Variants in SMCO2 observed in about 807,000 individuals in gnomAD.
SMCO2 encodes the protein single-pass membrane and coiled-coil domain-containing protein 2.
A neutral mutation model predicts 29.5 loss-of-function variants in SMCO2; 25 were observed. The observed-to-expected ratio is 0.85, with a 90% CI of 0.62 to 1.18. The LOEUF (loss-of-function observed/expected upper bound fraction) is 1.18, where lower values mean the gene tolerates loss of function less well. SMCO2 is among the 50% of genes most tolerant of loss of function. The probability of loss-of-function intolerance (pLI) is 0.00; values close to 1 mark genes in which losing one functional copy is unlikely to be tolerated. For synonymous variants in SMCO2, 117 were observed against 123.3 expected (o/e 0.95, Z 0.34); for missense variants, 348 against 344.5 (o/e 1.01, Z -0.08).
At chr12:27,493,589 C>A (rs1299025570) in intron 5 of SMCO2, among the ~76,000 whole-genome samples, 1 of 152,106 alleles carries the variant, frequency 6.6e-6, no homozygotes, top group Non-Finnish European at 1.5e-5. Flanking sequence ...TTTCTTGAAT[C>A]CTAGTATACT....
rs377737092 is a variant in SMCO2, at chr12:27,491,947, C to T, written c.451-2353C>T. ...CTGGTCTTGAACTCCCGACCTCAAGCGATTCTCCCACCTCAGCCTCCCAAG... is the reference window on the plus strand; with the variant it reads ...CTGGTCTTGAACTCCCGACCTCAAGTGATTCTCCCACCTCAGCCTCCCAAG... On this transcript the variant is annotated intron_variant, in intron 5 of 7. Coordinates refer to ENST00000298876, the Ensembl canonical transcript of SMCO2. Among the ~76,000 whole-genome samples the T allele has an allele frequency of 7.3e-4, 111 of 152,070 alleles. 2 individuals are homozygous for T. In the South Asian group the frequency reaches 0.022, roughly 30 times the overall value.
the SMCO2 span, among the ~76,000 whole-genome samples, chr12:27,439,319 G>A: frequency 0.037 from 5,563 of 152,230 alleles, 268 homozygotes; most frequent in African/African-American, 0.11. Context: ...TTCCCCATTT[G>A]GGACAGGCAG....
chr12:27,472,208 T>G (rs1241644474), intron 2 of SMCO2, among the ~76,000 whole-genome samples: 3 of 151,906 alleles, frequency 2.0e-5, no homozygotes, highest in South Asian at 2.1e-4. Context: ...CAGAATGGAG[T>G]GTATAAATAT....
chr12:27,496,207 A>T (rs935456205), intron 7 of SMCO2, among the ~76,000 whole-genome samples: 1 of 150,292 alleles, frequency 6.7e-6, no homozygotes, highest in African/African-American at 2.5e-5. Context: ...TTATATTTTT[A>T]GTTAGTCTGT....
At chr12:27,457,876 G>A in the SMCO2 span, among the ~76,000 whole-genome samples, 1 of 152,304 alleles carries the variant, frequency 6.6e-6, no homozygotes. Context: ...GAGGTAGGAT[G>A]GTTGATGTTT....
chr12:27,447,546 C>A, the SMCO2 span, among the ~76,000 whole-genome samples: 6 of 151,898 alleles, frequency 4.0e-5, no homozygotes, highest in African/African-American at 9.7e-5. Flanking sequence ...TCGCTTCAGC[C>A]CAGGAGCCTG....
chr12:27,473,195 A>G (rs1379873783), intron 3 of SMCO2: 3 of 299,620 alleles, frequency 1.0e-5, no homozygotes, highest in Non-Finnish European at 1.9e-5. Flanking sequence ...AAATCACCAT[A>G]TGACCAAATC....
intron 6 of SMCO2, 87 bp from the exon 8 acceptor site, chr12:27,495,593 C>A: frequency 7.8e-7 from 1 of 1,274,962 alleles, no homozygotes; most frequent in Non-Finnish European, 1.0e-6. Flanking sequence ...CAAGGTGATC[C>A]AGAGGAAAAG....
exon 8 of SMCO2, chr12:27,502,082 T>C (rs1384829980): frequency 6.5e-7 from 1 of 1,543,428 alleles, no homozygotes; most frequent in Non-Finnish European, 8.7e-7. Context: ...TGAGAGAGCC[T>C]TTCTTGAATT....
the SMCO2 span, among the ~76,000 whole-genome samples, chr12:27,439,299 C>T: frequency 6.6e-6 from 1 of 152,208 alleles, no homozygotes; most frequent in Non-Finnish European, 1.5e-5. Flanking sequence ...GGGATAATCC[C>T]TTTGGGACCT....
chr12:27,450,215 T>A, the SMCO2 span, among the ~76,000 whole-genome samples: 10 of 152,292 alleles, frequency 6.6e-5, 1 homozygote, highest in East Asian at 1.5e-3. Flanking sequence ...CTCAAGGCTG[T>A]TGACCTTCCT....
intron 4 of SMCO2, among the ~76,000 whole-genome samples, chr12:27,480,731 C>T (rs1051986304): frequency 6.6e-6 from 1 of 152,066 alleles, no homozygotes; most frequent in African/African-American, 2.4e-5. Context: ...TGCTCCTGCT[C>T]TCACCATGTG....
the SMCO2 span, among the ~76,000 whole-genome samples, chr12:27,427,508 A>ACTTATTTTGCCTACCCTACTG: frequency 1.3e-5 from 2 of 152,086 alleles, no homozygotes; most frequent in Admixed American, 6.5e-5. Flanking sequence ...AGGCCTACCT[A>ACTTATTTTGCCTACCCTACTG]CTTATTTTGC....
At chr12:27,426,781 T>C in the SMCO2 span, among the ~76,000 whole-genome samples, 1 of 152,218 alleles carries the variant, frequency 6.6e-6, no homozygotes, top group East Asian at 1.9e-4. Flanking sequence ...TCATAACCAA[T>C]GGGAAAGCGT....
At chr12:27,438,536 C>A in the SMCO2 span, among the ~76,000 whole-genome samples, 1 of 152,120 alleles carries the variant, frequency 6.6e-6, no homozygotes, top group Admixed American at 6.5e-5. Flanking sequence ...CTGAAGGGTA[C>A]CGATATTTGC....
intron 1 of SMCO2, among the ~76,000 whole-genome samples, chr12:27,469,308 G>A (rs1949522652): frequency 1.3e-5 from 2 of 152,126 alleles, no homozygotes; most frequent in Admixed American, 1.3e-4. Context: ...TAAAAAGGAT[G>A]GTGCCATCAC....
chr12:27,428,486 T>G, the SMCO2 span, among the ~76,000 whole-genome samples: 3 of 152,186 alleles, frequency 2.0e-5, no homozygotes, highest in Non-Finnish European at 4.4e-5. Context: ...CTGTTTTGGT[T>G]GTTTTTTGTT....
intron 4 of SMCO2, among the ~76,000 whole-genome samples, chr12:27,486,721 A>G (rs1051000120): frequency 7.9e-5 from 12 of 152,238 alleles, no homozygotes; most frequent in African/African-American, 1.4e-4. Flanking sequence ...AATACTTGGC[A>G]CATAGTAAAT....
chr12:27,444,512 A>G, the SMCO2 span, among the ~76,000 whole-genome samples: 5,129 of 152,298 alleles, frequency 0.034, 132 homozygotes, highest in East Asian at 0.12. Flanking sequence ...ACATCCAGCT[A>G]AAGAGCTCCT....
Sources: gnomAD v4.1 joint callset for allele counts (sites outside exome capture counted in the v4.1 genomes callset) on GRCh38, gnomAD v4.1.1 for gene constraint, MANE v1.5 for transcripts, NCBI Gene and HGNC (gene_info 2026-07-23, HGNC 2026-07-21) for gene names.